The following CAMK1D variants were observed in gnomAD, a reference collection of about 807,000 sequenced individuals.
CAMK1D encodes calcium/calmodulin dependent protein kinase ID.
In CAMK1D, 9 loss-of-function variants were observed where a neutral mutation model predicts 47.7. The observed-to-expected ratio is 0.19, with a 90% CI of 0.11 to 0.33. The LOEUF is 0.33. Among genes scored for constraint, CAMK1D ranks in the 10% least tolerant of loss-of-function variants. The pLI is 1.00. For missense variants in CAMK1D, 291 were observed against 488.7 expected, an observed-to-expected ratio of 0.60 and a Z score of 3.81; for synonymous variants, 184 against 184.9, an observed-to-expected ratio of 0.99 and a Z score of 0.04.
chr10:12,561,994 A>C (rs1836958956), intron 2 of CAMK1D, among the ~76,000 whole-genome samples: 1 of 152,160 alleles, frequency 6.6e-6, no homozygotes, highest in Non-Finnish European at 1.5e-5. Context: ...TCTGCTTCCC[A>C]AATAGTGCAC....
chr10:12,402,071 TA>T (rs1282509546), intron 1 of CAMK1D, among the ~76,000 whole-genome samples: 21 of 151,650 alleles, frequency 1.4e-4, no homozygotes, highest in Non-Finnish European at 2.9e-5. Flanking sequence ...AATTTTTGTA[TA>T]TATATATATT....
At chr10:12,735,514 C>G (rs1344109024) in intron 3 of CAMK1D, among the ~76,000 whole-genome samples, 2 of 151,750 alleles carry the variant, frequency 1.3e-5, no homozygotes, top group Non-Finnish European at 2.9e-5. Context: ...TTTTTCAATT[C>G]AGGGAGCAAG....
intron 2 of CAMK1D, among the ~76,000 whole-genome samples, chr10:12,625,624 C>T (rs1373064600): frequency 6.6e-6 from 1 of 151,554 alleles, no homozygotes; most frequent in East Asian, 1.9e-4. Flanking sequence ...AGCCCCCACG[C>T]CCCGCCCCTC....
At chr10:12,749,527 G>A (rs11815709) in intron 3 of CAMK1D, among the ~76,000 whole-genome samples, 6 of 135,432 alleles carry the variant, frequency 4.4e-5, no homozygotes, top group Admixed American at 1.4e-4. Context: ...AAGTGTGGAT[G>A]TTTGTTTGTT....
intron 1 of CAMK1D, among the ~76,000 whole-genome samples, chr10:12,545,566 T>C (rs1836339307): frequency 6.7e-6 from 1 of 148,658 alleles, no homozygotes; most frequent in Admixed American, 6.7e-5. Flanking sequence ...CTTTGGGAGG[T>C]TGAGGTGGGC....
intron 2 of CAMK1D, among the ~76,000 whole-genome samples, chr10:12,595,342 GAAAA>G (rs535214333): frequency 1.7e-4 from 4 of 23,554 alleles, no homozygotes; most frequent in Admixed American, 8.8e-4. Context: ...AACTCCATCT[GAAAA>G]AAAAAAAAAA....
chr10:12,365,763 T>C (rs543739921), intron 1 of CAMK1D, among the ~76,000 whole-genome samples: 20 of 152,046 alleles, frequency 1.3e-4, no homozygotes, highest in Non-Finnish European at 2.8e-4. Context: ...TAAAAATGTT[T>C]CCTTCTGTGC....
At chr10:12,789,471 A>C (rs960419528) in intron 5 of CAMK1D, among the ~76,000 whole-genome samples, 2 of 152,154 alleles carry the variant, frequency 1.3e-5, no homozygotes, top group Non-Finnish European at 2.9e-5. Flanking sequence ...AAGTTACTTA[A>C]CTTCTCTGAG....
intron 3 of CAMK1D, among the ~76,000 whole-genome samples, chr10:12,736,754 C>G (rs888623614): frequency 7.2e-5 from 11 of 152,152 alleles, no homozygotes; most frequent in Admixed American, 3.9e-4. Flanking sequence ...CCGCTCTCGC[C>G]AGAGCCAGCG....
chr10:12,776,931 A>G (rs1182784879), intron 5 of CAMK1D, among the ~76,000 whole-genome samples: 1 of 152,220 alleles, frequency 6.6e-6, no homozygotes, highest in Non-Finnish European at 1.5e-5. Context: ...TGAAACTTGC[A>G]CATCAGGCAG....
At chr10:12,724,481 C>T (rs1834529225) in intron 3 of CAMK1D, among the ~76,000 whole-genome samples, 1 of 151,982 alleles carries the variant, frequency 6.6e-6, no homozygotes, top group African/African-American at 2.4e-5. Flanking sequence ...GTCTCATCTG[C>T]TTTGGATTTA....
chr10:12,659,343 G>A (rs181378624), intron 2 of CAMK1D, among the ~76,000 whole-genome samples: 150 of 152,356 alleles, frequency 9.8e-4, no homozygotes, highest in Non-Finnish European at 6.8e-4. Flanking sequence ...AAAATGGATA[G>A]GAAGAGAGTG....
intron 2 of CAMK1D, among the ~76,000 whole-genome samples, chr10:12,603,082 T>C (rs950671889): frequency 6.6e-6 from 1 of 151,918 alleles, no homozygotes; most frequent in African/African-American, 2.4e-5. Flanking sequence ...GGCTAATTTT[T>C]ATATTTTTGG....
At chr10:12,529,199 G>A (rs780600217) in intron 1 of CAMK1D, among the ~76,000 whole-genome samples, 16 of 152,134 alleles carry the variant, frequency 1.1e-4, no homozygotes, top group Non-Finnish European at 1.8e-4. Flanking sequence ...CAAGCACCCC[G>A]CGGGGAACAT....
chr10:12,659,372 G>A (rs1380388607), intron 2 of CAMK1D, among the ~76,000 whole-genome samples: 1 of 152,200 alleles, frequency 6.6e-6, no homozygotes, highest in African/African-American at 2.4e-5. Context: ...GGGAGTTGGG[G>A]AGAACAATTA....
At chr10:12,624,338 G>T (rs78023360) in intron 2 of CAMK1D, among the ~76,000 whole-genome samples, 1 of 152,050 alleles carries the variant, frequency 6.6e-6, no homozygotes, top group Non-Finnish European at 1.5e-5. Context: ...TTGTAAGGCC[G>T]ATCTCTAGAA....
At chr10:12,649,057 C>T (rs1384009051) in intron 2 of CAMK1D, among the ~76,000 whole-genome samples, 1 of 151,584 alleles carries the variant, frequency 6.6e-6, no homozygotes, top group Admixed American at 6.6e-5. Context: ...TTTTACAGAC[C>T]GGGTTTTACT....
At chr10:12,738,022 G>T (rs115445284) in intron 3 of CAMK1D, among the ~76,000 whole-genome samples, 2,655 of 152,280 alleles carry the variant, frequency 0.017, 44 homozygotes, top group South Asian at 0.051. Context: ...TCTTTGGGAA[G>T]AAATATTTGT....
At chr10:12,683,233 C>T (rs570492190) in intron 3 of CAMK1D, among the ~76,000 whole-genome samples, 13 of 151,854 alleles carry the variant, frequency 8.6e-5, no homozygotes, top group South Asian at 4.1e-4. Context: ...ACTACAGGTG[C>T]GCACCACCAC....
Sources: gnomAD v4.1 joint callset for allele counts (sites outside exome capture counted in the v4.1 genomes callset) on GRCh38, gnomAD v4.1.1 for gene constraint, MANE v1.5 for transcripts, NCBI Gene and HGNC (gene_info 2026-07-23, HGNC 2026-07-21) for gene names.